TTBK2: variants seen among roughly 807,000 people sequenced by gnomAD.
TTBK2 encodes tau-tubulin kinase 2.
TTBK2 carries 28 observed loss-of-function variants against 110.8 expected under a neutral mutation model. That is an observed-to-expected ratio of 0.25 (90% CI 0.19 to 0.35). The LOEUF is 0.35. TTBK2 is among the 10% of genes least tolerant of loss of function. The pLI, the probability that TTBK2 is intolerant of heterozygous loss-of-function variation, is 1.00. For synonymous variants in TTBK2, 532 were observed against 527.3 expected, an observed-to-expected ratio of 1.01 and a Z score of -0.12; for missense variants, 1,369 against 1,500.3, an observed-to-expected ratio of 0.91 and a Z score of 1.45.
chr15:42,757,577 CAAAAT>C (rs894889314), intron 13 of TTBK2, among the ~76,000 whole-genome samples: 1 of 152,054 alleles, frequency 6.6e-6, no homozygotes, highest in African/African-American at 2.4e-5. Context: ...CATTATCTGA[CAAAAT>C]AAAAGGAGAA....
chr15:42,891,170 G>A (rs1363934898), intron 1 of TTBK2, among the ~76,000 whole-genome samples: 7 of 138,170 alleles, frequency 5.1e-5, no homozygotes, highest in Admixed American at 3.6e-4. Context: ...CACCATGCCC[G>A]ACTTTTTTTT....
chr15:42,904,548 A>T (rs1391432790), intron 1 of TTBK2, among the ~76,000 whole-genome samples: 1 of 152,216 alleles, frequency 6.6e-6, no homozygotes, highest in African/African-American at 2.4e-5. Context: ...CAAAGATGCT[A>T]ACTCTGGAGG....
rs372443449 is a variant in TTBK2, at chr15:42,753,186, C to A, written c.2060G>T (p.Gly687Val). 1.3e-4 allele frequency: 213 copies of A among 1,610,958 alleles called. No individual in the cohort carries two copies. Among genetic ancestry groups the A allele is most frequent in the Non-Finnish European group, 1.6e-4 (190 of 1,179,280 alleles). ...TQSTSGSFHC[G>V]QQPEKKDLQP... is the part of the protein sequence containing the mutation. ...AAGATCTTTCTTCTCTGGCTGCTGA[C>A]CACAGTGAAAGCTTCCTGAAGTTGA... Residue 687 changes from glycine (G) to valine (V), a missense_variant, in exon 14 of 15, where the codon GGT (glycine) becomes GTT (valine). Gly to Val is a moderately radical substitution (Grantham distance 109). Transcript: ENST00000267890.
intron 1 of TTBK2, among the ~76,000 whole-genome samples, chr15:42,913,848 G>A (rs1369000800): frequency 1.3e-5 from 2 of 152,056 alleles, no homozygotes; most frequent in East Asian, 1.9e-4. Context: ...ATCATTCCTC[G>A]GGTAAAATCT....
chr15:42,741,344 G>T lies in TTBK2; in HGVS notation c.*4451C>A, dbSNP rs1453401207. 6.6e-6 allele frequency: 1 copy of T among 152,182 alleles called. No individual in the cohort carries two copies. Among genetic ancestry groups the T allele is most frequent in the Non-Finnish European group, 1.5e-5 (1 of 68,044 alleles). The allele number at this position is 152,182 out of a possible 1,614,324, so 9.4% of individuals were successfully genotyped here. ...GTAAAGGTCTAAAAATGCACCTGTG[G>T]TTTCTGAACTTGGGTATACGCTGAT... is the stretch of plus-strand genomic sequence containing the variant. On this transcript the variant is annotated 3_prime_UTR_variant, in exon 15 of 15. Coordinates refer to ENST00000267890, the MANE Select transcript of TTBK2 (RefSeq NM_173500.4).
rs2061919274 is a variant in TTBK2, at chr15:42,754,675, G to A, written c.1999-1428C>T. Among the ~76,000 whole-genome samples, 4 of 144,620 alleles carry A rather than the reference G, an allele frequency of 2.8e-5. No homozygotes were observed. The South Asian group carries it at 7.0e-4, about 25-fold the overall frequency. The allele number at this position is 144,620 out of a possible 152,430, so 94.9% of individuals were successfully genotyped here. On this transcript the variant is annotated intron_variant, in intron 13 of 14. Transcript: ENST00000267890. ...GCCTCCCAAAGTGCTGGGATTACAGGTGTGAGCCACCGCACCCAGCCCACA... is the reference window on the plus strand; with the variant it reads ...GCCTCCCAAAGTGCTGGGATTACAGATGTGAGCCACCGCACCCAGCCCACA...
At chr15:42,801,474 T>C (rs2140895384) in intron 9 of TTBK2, 2 of 792,844 alleles carry the variant, frequency 2.5e-6, no homozygotes, top group South Asian at 2.7e-5. Flanking sequence ...AGCCAGCTGA[T>C]GTTCCGGTTC....
chr15:42,771,468 C>A (rs1427589984), intron 13 of TTBK2, among the ~76,000 whole-genome samples: 1 of 152,120 alleles, frequency 6.6e-6, no homozygotes, highest in Non-Finnish European at 1.5e-5. Context: ...CTTTTCATTG[C>A]CAACCTGACA....
At chr15:42,763,137 T>C (rs1472863586) in intron 13 of TTBK2, among the ~76,000 whole-genome samples, 3 of 88,202 alleles carry the variant, frequency 3.4e-5, no homozygotes, top group African/African-American at 1.9e-4. Flanking sequence ...TATACATATA[T>C]ACATACATAT....
rs1165009264 is a variant in TTBK2 at position 42,801,408 on chromosome 15, G to A, written c.823-6607C>T. ...TAGCTCCCCACGCTGCTCGGTATCT[G>A]CGTGGCAGCCTCCAGGGAAGCCCTC... On this transcript the variant is annotated intron_variant, in intron 9 of 14. Coordinates refer to ENST00000267890, the MANE Select transcript of TTBK2 (RefSeq NM_173500.4). The A allele has an allele frequency of 5.2e-6, 6 of 1,157,670 alleles. No individual in the cohort carries two copies. The East Asian group carries it at 9.4e-5, about 18-fold the overall frequency. 71.7% of individuals were successfully genotyped at this position (1,157,670 alleles called of 1,614,324 possible).
chr15:42,837,403 A>T (rs1893033822), intron 4 of TTBK2, among the ~76,000 whole-genome samples: 1 of 151,638 alleles, frequency 6.6e-6, no homozygotes. Context: ...TACGCCTGTA[A>T]TCCCAGCACT....
intron 13 of TTBK2, among the ~76,000 whole-genome samples, chr15:42,759,499 C>T (rs1238021567): frequency 1.3e-5 from 2 of 152,224 alleles, no homozygotes; most frequent in East Asian, 3.9e-4. Flanking sequence ...GCACTGTGGC[C>T]CCAACCCCAG....
chr15:42,876,297 T>C (rs973153761), intron 2 of TTBK2, among the ~76,000 whole-genome samples: 5 of 152,148 alleles, frequency 3.3e-5, no homozygotes, highest in Non-Finnish European at 5.9e-5. Context: ...ATTTTGGAGA[T>C]AAGTTGCTCA....
At chr15:42,853,323 A>C (rs1237839045) in intron 3 of TTBK2, among the ~76,000 whole-genome samples, 1 of 152,244 alleles carries the variant, frequency 6.6e-6, no homozygotes, top group Admixed American at 6.5e-5. Context: ...CCTATAAAGA[A>C]AAATGTAGTT....
intron 2 of TTBK2, 43 bp from the exon 3 acceptor site, chr15:42,872,801 G>T (rs757065499): frequency 7.5e-6 from 12 of 1,607,884 alleles, no homozygotes; most frequent in South Asian, 6.7e-5. Flanking sequence ...ATTACTAGAA[G>T]ATTCTAACTT....
chr15:42,785,364 A>G (rs972949840), intron 10 of TTBK2, among the ~76,000 whole-genome samples: 4 of 151,896 alleles, frequency 2.6e-5, no homozygotes, highest in Admixed American at 2.6e-4. Flanking sequence ...CAAGTGATCC[A>G]CCCACCTTGG....
In TTBK2 at chr15:42,920,610, C is replaced by G. The variant is rs2031322321; in HGVS notation, c.-240G>C. 1 of 157,230 alleles carries G rather than the reference C, an allele frequency of 6.4e-6. No homozygotes were observed. Among genetic ancestry groups the G allele is most frequent in the Non-Finnish European group, 1.4e-5 (1 of 71,638 alleles). The allele number at this position is 157,230 out of a possible 1,614,324, so 9.7% of individuals were successfully genotyped here. A position where few individuals can be genotyped will look rare whatever the true frequency, so the allele number is the denominator to read the frequency against. ...CCAGGGCCGGCCGGCTGGGTAGTCCCCTGGGGTACCGTCCGCGTTTACTGG... is the reference window on the plus strand; with the variant it reads ...CCAGGGCCGGCCGGCTGGGTAGTCCGCTGGGGTACCGTCCGCGTTTACTGG... On this transcript the variant is annotated 5_prime_UTR_variant, in exon 1 of 15. Coordinates refer to ENST00000267890, the MANE Select transcript of TTBK2 (RefSeq NM_173500.4).
chr15:42,800,913 TC>T, intron 9 of TTBK2: 1 of 677,568 alleles, frequency 1.5e-6, no homozygotes, highest in South Asian at 1.7e-5. Flanking sequence ...CACAGTGGCC[TC>T]CCTCCTAGGC....
intron 4 of TTBK2, among the ~76,000 whole-genome samples, chr15:42,835,300 C>T (rs1416660713): frequency 6.6e-6 from 1 of 152,124 alleles, no homozygotes; most frequent in Admixed American, 6.6e-5. Context: ...CAGATACTGC[C>T]TCCTGATGTG....
Sources: allele counts gnomAD v4.1 joint callset (sites outside exome capture counted in the v4.1 genomes callset), GRCh38; gene constraint gnomAD v4.1.1; transcripts MANE v1.5; gene names NCBI Gene and HGNC (gene_info 2026-07-23, HGNC 2026-07-21).